ARHGAP15: variants seen among roughly 807,000 people sequenced by gnomAD.
ARHGAP15 encodes Rho GTPase activating protein 15.
ARHGAP15 carries 51 observed loss-of-function variants against 63.7 expected under a neutral mutation model. That is an observed-to-expected ratio of 0.80 (90% CI 0.64 to 1.01). The LOEUF (loss-of-function observed/expected upper bound fraction) is 1.01, where lower values mean the gene tolerates loss of function less well. Among genes scored for constraint, ARHGAP15 ranks in the 50% least tolerant of loss-of-function variants. The pLI, the probability that ARHGAP15 is intolerant of heterozygous loss-of-function variation, is 0.00. For synonymous variants in ARHGAP15, 191 were observed against 193.8 expected (o/e 0.99, Z 0.12); for missense variants, 560 against 564.6 (o/e 0.99, Z 0.08).
intron 13 of ARHGAP15, among the ~76,000 whole-genome samples, chr2:143,739,716 T>C (rs1229552962): frequency 2.6e-5 from 4 of 152,186 alleles, no homozygotes; most frequent in Admixed American, 6.5e-5. Context: ...CTTTTCATTG[T>C]TTTCCAAGGC....
chr2:143,231,368 C>A (rs1180390014), intron 5 of ARHGAP15, among the ~76,000 whole-genome samples: 2 of 151,986 alleles, frequency 1.3e-5, no homozygotes, highest in Admixed American at 1.3e-4. Context: ...AGAGAATATA[C>A]TAATTAATTC....
At chr2:143,474,930 C>T (rs1264684304) in intron 8 of ARHGAP15, among the ~76,000 whole-genome samples, 1 of 152,156 alleles carries the variant, frequency 6.6e-6, no homozygotes, top group Non-Finnish European at 1.5e-5. Flanking sequence ...GTAAATCTCC[C>T]ATCACAATTT....
chr2:143,579,946 TTTC>T (rs1194076256), intron 11 of ARHGAP15, among the ~76,000 whole-genome samples: 2 of 146,278 alleles, frequency 1.4e-5, no homozygotes, highest in African/African-American at 4.9e-5. Context: ...TAAAAGAACT[TTTC>T]TTCAGCTCTC....
intron 6 of ARHGAP15, among the ~76,000 whole-genome samples, chr2:143,322,655 A>G (rs1184327938): frequency 6.6e-6 from 1 of 152,244 alleles, no homozygotes; most frequent in African/African-American, 2.4e-5. Flanking sequence ...CTGATGGGAA[A>G]AACCAAAAGT....
At chr2:143,428,201 C>T (rs1689215787) in intron 6 of ARHGAP15, among the ~76,000 whole-genome samples, 1 of 151,902 alleles carries the variant, frequency 6.6e-6, no homozygotes, top group African/African-American at 2.4e-5. Flanking sequence ...AATGATATGA[C>T]AGAGGATGTC....
chr2:143,330,442 A>ATGG (rs1208790351), intron 6 of ARHGAP15, among the ~76,000 whole-genome samples: 3 of 152,110 alleles, frequency 2.0e-5, no homozygotes, highest in Non-Finnish European at 2.9e-5. Flanking sequence ...AAATACCCAT[A>ATGG]GTAATTTGTG....
At chr2:143,182,375 A>T (rs1046418234) in intron 2 of ARHGAP15, among the ~76,000 whole-genome samples, 1 of 152,042 alleles carries the variant, frequency 6.6e-6, no homozygotes, top group Non-Finnish European at 1.5e-5. Flanking sequence ...GGGAACTGCC[A>T]GTTGGTGGGG....
At chr2:143,355,810 T>G (rs1685784700) in intron 6 of ARHGAP15, among the ~76,000 whole-genome samples, 2 of 152,286 alleles carry the variant, frequency 1.3e-5, no homozygotes, top group East Asian at 3.9e-4. Context: ...GCACCTGATG[T>G]TGCATGTTAA....
intron 6 of ARHGAP15, among the ~76,000 whole-genome samples, chr2:143,310,069 T>C (rs568840885): frequency 5.9e-5 from 9 of 152,170 alleles, no homozygotes; most frequent in African/African-American, 1.2e-4. Context: ...AGCATGAATA[T>C]GGTCTAAAAG....
At chr2:143,643,545 C>A (rs1680718194) in intron 12 of ARHGAP15, among the ~76,000 whole-genome samples, 1 of 151,794 alleles carries the variant, frequency 6.6e-6, no homozygotes, top group South Asian at 2.1e-4. Context: ...CACTCCAGAC[C>A]TCCTTTATGA....
chr2:143,271,748 T>A (rs1241176268), intron 6 of ARHGAP15, among the ~76,000 whole-genome samples: 2 of 152,224 alleles, frequency 1.3e-5, no homozygotes, highest in Non-Finnish European at 2.9e-5. Context: ...AGCGCTGGGA[T>A]TACAGGCATG....
At chr2:143,568,713 C>A (rs969391216) in intron 11 of ARHGAP15, among the ~76,000 whole-genome samples, 1 of 152,172 alleles carries the variant, frequency 6.6e-6, no homozygotes, top group African/African-American at 2.4e-5. Flanking sequence ...CACATGCACA[C>A]ATATGTTTAT....
In ARHGAP15 at chr2:143,360,026, GAGAAA is replaced by G. The variant is rs545055511; in HGVS notation, c.475-75569_475-75565del. Among the ~76,000 whole-genome samples, 141 of 152,184 alleles carry G rather than the reference GAGAAA, an allele frequency of 9.3e-4. 1 individual carries two copies. Among genetic ancestry groups the G allele is most frequent in the African/African-American group, 3.3e-3 (136 of 41,528 alleles). ...GTTAATGTGATTTTTGTTCTCAGGT[GAGAAA>G]AGAAAGTGAGAAAATTTCAATGGTT... On this transcript the variant is annotated intron_variant, in intron 6 of 13. Coordinates refer to ENST00000295095, the MANE Select transcript of ARHGAP15 (RefSeq NM_018460.4).
At chr2:143,225,457 C>T (rs1476428183) in intron 4 of ARHGAP15, among the ~76,000 whole-genome samples, 3 of 151,940 alleles carry the variant, frequency 2.0e-5, no homozygotes, top group South Asian at 2.1e-4. Context: ...AAAAATTAGC[C>T]GGGCGTGTTG....
At chr2:143,678,976 G>T (rs1682962126) in intron 12 of ARHGAP15, among the ~76,000 whole-genome samples, 1 of 152,000 alleles carries the variant, frequency 6.6e-6, no homozygotes, top group African/African-American at 2.4e-5. Context: ...CATTAAATTT[G>T]TCTCTTATGC....
intron 13 of ARHGAP15, among the ~76,000 whole-genome samples, chr2:143,723,638 T>C (rs1685158243): frequency 6.6e-6 from 1 of 152,220 alleles, no homozygotes; most frequent in African/African-American, 2.4e-5. Context: ...GAGCACCTAC[T>C]GTATGCCAGG....
intron 8 of ARHGAP15, among the ~76,000 whole-genome samples, chr2:143,476,245 G>T (rs566666781): frequency 6.6e-6 from 1 of 152,066 alleles, no homozygotes; most frequent in Non-Finnish European, 1.5e-5. Context: ...TTGTGGAAAA[G>T]ACTTCTTTGA....
At chr2:143,298,902 TATC>T (rs1393321868) in intron 6 of ARHGAP15, among the ~76,000 whole-genome samples, 1 of 151,982 alleles carries the variant, frequency 6.6e-6, no homozygotes, top group Non-Finnish European at 1.5e-5. Flanking sequence ...ACTTTACAGA[TATC>T]ATAATTGTGA....
At chr2:143,537,134 A>G (rs565043994) in intron 10 of ARHGAP15, among the ~76,000 whole-genome samples, 6 of 152,268 alleles carry the variant, frequency 3.9e-5, no homozygotes, top group South Asian at 4.1e-4. Context: ...GCCAGTGATG[A>G]TGAGCATTTT....
Sources: gnomAD v4.1 joint callset for allele counts (sites outside exome capture counted in the v4.1 genomes callset) on GRCh38, gnomAD v4.1.1 for gene constraint, MANE v1.5 for transcripts, NCBI Gene and HGNC (gene_info 2026-07-23, HGNC 2026-07-21) for gene names.